The following ID2 variants were observed in gnomAD, a reference collection of about 807,000 sequenced individuals.
ID2 encodes the protein DNA-binding protein inhibitor ID-2.
A neutral mutation model predicts 8.3 loss-of-function variants in ID2; 2 were observed. The observed-to-expected ratio is 0.24, with a 90% CI of 0.10 to 0.76. The LOEUF (loss-of-function observed/expected upper bound fraction) is 0.76. Among genes scored for constraint, ID2 ranks in the 30% least tolerant of loss-of-function variants. The probability of loss-of-function intolerance (pLI) is 0.73; values close to 1 mark genes in which losing one functional copy is unlikely to be tolerated. For synonymous variants in ID2, 112 were observed against 72.3 expected (o/e 1.55, Z -2.79); for missense variants, 155 against 167.0 (o/e 0.93, Z 0.40).
chr2:8,682,778 A>AC (rs1276157523), intron 1 of ID2, 65 bp from the exon 2 acceptor site: 16 of 1,259,092 alleles, frequency 1.3e-5, no homozygotes, highest in African/African-American at 1.1e-4. Flanking sequence ...AAAAAAAAAA[A>AC]AAAAAAAAAC....
Position 8,682,270 on chromosome 2 carries a change from G to T in ID2, c.105G>T (p.Leu35=), listed in dbSNP as rs1368976719. The change falls in exon 1 of 3, where the codon CTG becomes CTT. Residue 35 remains leucine, a synonymous_variant. Transcript: ENST00000396290. ...SKTPVDDPMS[L]LYNMNDCYSK... ...CCCCTGTGGACGACCCGATGAGCCTGCTATACAACATGAACGACTGCTACT... is the reference window on the plus strand; with the variant it reads ...CCCCTGTGGACGACCCGATGAGCCTTCTATACAACATGAACGACTGCTACT... The T allele has an allele frequency of 6.2e-7, 1 of 1,614,142 alleles. No homozygotes were observed. Among genetic ancestry groups the T allele is most frequent in the South Asian group, 1.1e-5 (1 of 91,090 alleles).
At position 8,682,304 on chromosome 2, in the gene ID2, A is replaced by G; in HGVS notation, c.139A>G (p.Lys47Glu). 6.2e-7 allele frequency: 1 copy of G among 1,614,058 alleles called. No homozygotes were observed. Residue 47 changes from lysine to glutamate, a missense_variant, in exon 1 of 3, where the codon AAG becomes GAG. Lys to Glu is a moderately conservative substitution (Grantham distance 56, BLOSUM62 1). Transcript: ENST00000396290. ...CATGAACGACTGCTACTCCAAGCTC[A>G]AGGAGCTGGTGCCCAGCATCCCCCA... ...YNMNDCYSKL[K>E]ELVPSIPQNK... is the part of the protein sequence containing the mutation.
chr2:8,683,019 C>G (rs1662131260), intron 2 of ID2, 113 bp downstream of exon 2: 2 of 834,454 alleles, frequency 2.4e-6, no homozygotes, highest in Non-Finnish European at 4.2e-6. Flanking sequence ...TAAATGCATG[C>G]TTACTTCGCG....
intron 1 of ID2, 123 bp downstream of exon 1, chr2:8,682,636 C>A (rs920241801): frequency 2.6e-6 from 2 of 759,258 alleles, no homozygotes; most frequent in East Asian, 2.6e-5. Flanking sequence ...TTATTTTCTT[C>A]AGAATCTGCT....
rs370268374 is a variant in ID2 at position 8,682,813 on chromosome 2, C to G, written c.349-30C>G. 39 of 1,429,068 alleles carry G rather than the reference C, an allele frequency of 2.7e-5. 1 individual carries two copies. The highest frequency in any genetic ancestry group is 8.4e-5 in the Admixed American group (5 of 59,384). 88.5% of individuals were successfully genotyped at this position (1,429,068 alleles called of 1,614,324 possible). On this transcript the variant is annotated intron_variant, in intron 1 of 2. Coordinates refer to ENST00000396290, the MANE Select transcript of ID2 (RefSeq NM_002166.5). ...CCCTTTCTACTTAACATTGTCTTAA[C>G]CTCGTACTCTTTATCCTCTTTCTTT...
intron 1 of ID2, 59 bp downstream of exon 1, chr2:8,682,572 TGTCACTAGGA>T (rs1406121519): frequency 2.4e-6 from 3 of 1,267,660 alleles, no homozygotes; most frequent in Non-Finnish European, 1.1e-6. Context: ...TCGTCTGGGC[TGTCACTAGGA>T]GATCCGTAGC....
At chr2:8,683,342 C>CA (rs562999827) in intron 2 of ID2, among the ~76,000 whole-genome samples, 460 of 152,316 alleles carry the variant, frequency 3.0e-3, no homozygotes, top group Non-Finnish European at 5.6e-3. Flanking sequence ...CCTGTGCCTT[C>CA]AACCCTGTGA....
In ID2 at chr2:8,684,122, A is replaced by G. The variant is rs1463686407; in HGVS notation, c.*445A>G. The stretch of plus-strand genomic sequence containing the variant: ...GACACAAGCCTACTGAATGCTGTGT[A>G]TATATTTATATATAAATATATCTAT... On this transcript the variant is annotated 3_prime_UTR_variant, in exon 3 of 3. Coordinates refer to ENST00000396290, the MANE Select transcript of ID2 (RefSeq NM_002166.5). 6.6e-6 allele frequency: 1 copy of G among 152,242 alleles called. No homozygotes were observed. Among genetic ancestry groups the G allele is most frequent in the African/African-American group, 2.4e-5 (1 of 41,440 alleles). 9.4% of individuals were successfully genotyped at this position (152,242 alleles called of 1,614,324 possible). A position where few individuals can be genotyped will look rare whatever the true frequency, so the allele number is the denominator to read the frequency against.
In ID2 at chr2:8,682,288, C is replaced by T. The variant is rs369294315; in HGVS notation, c.123C>T (p.Asp41=). ...TGAGCCTGCTATACAACATGAACGACTGCTACTCCAAGCTCAAGGAGCTGG... is the reference window on the plus strand; with the variant it reads ...TGAGCCTGCTATACAACATGAACGATTGCTACTCCAAGCTCAAGGAGCTGG... ...DPMSLLYNMN[D]CYSKLKELVP... Residue 41 remains aspartate, a synonymous_variant, in exon 1 of 3, where the codon GAC becomes GAT. Transcript: ENST00000396290. 172 of 1,614,064 alleles carry T rather than the reference C, an allele frequency of 1.1e-4. No individual in the cohort carries two copies. Among genetic ancestry groups the T allele is most frequent in the Non-Finnish European group, 1.4e-4 (171 of 1,180,048 alleles).
Position 8,682,357 on chromosome 2 carries a change from C to T in ID2, c.192C>T (p.Ile64=), listed in dbSNP as rs780196555. 8.1e-6 allele frequency: 13 copies of T among 1,614,038 alleles called. No individual in the cohort carries two copies. The highest frequency in any genetic ancestry group is 5.5e-5 in the South Asian group (5 of 91,084). The change falls in exon 1 of 3, where the codon ATC becomes ATT. Residue 64 remains isoleucine (I), a synonymous_variant. Transcript: ENST00000396290. ...ACAAGAAGGTGAGCAAGATGGAAAT[C>T]CTGCAGCACGTCATCGACTACATCT... ...PQNKKVSKME[I]LQHVIDYILD...
Position 8,683,879 on chromosome 2 carries a change from T to TCA in ID2, c.*202_*203insCA, listed in dbSNP as rs557173478. The TCA allele has an allele frequency of 4.6e-5, 7 of 152,580 alleles. No homozygotes were observed. In the South Asian group the frequency reaches 1.4e-3, roughly 32 times the overall value. 9.5% of individuals were successfully genotyped at this position (152,580 alleles called of 1,614,324 possible). On this transcript the variant is annotated 3_prime_UTR_variant, in exon 3 of 3. Coordinates refer to ENST00000396290, the MANE Select transcript of ID2 (RefSeq NM_002166.5). The stretch of plus-strand genomic sequence containing the variant: ...GGGTGTTCTCTTACTTGGACTGTGA[T>TCA]ATTCGTTATTTATGAAAAAGACTTT...
chr2:8,682,997 T>C (rs1228587586), intron 2 of ID2, 91 bp downstream of exon 2: 7 of 954,392 alleles, frequency 7.3e-6, no homozygotes, highest in African/African-American at 1.6e-5. Flanking sequence ...ATCTATAAAA[T>C]GTCTGATTTG....
intron 2 of ID2, among the ~76,000 whole-genome samples, chr2:8,683,403 A>G (rs1157974043): frequency 2.0e-5 from 3 of 152,334 alleles, no homozygotes; most frequent in East Asian, 3.9e-4. Context: ...GTTTTCAATC[A>G]AATAATTGTT....
At chr2:8,682,624 C>T (rs1662113875) in intron 1 of ID2, 111 bp downstream of exon 1, 6 of 800,812 alleles carry the variant, frequency 7.5e-6, no homozygotes, top group Non-Finnish European at 1.2e-5. Context: ...AGCTATTTAA[C>T]TTTATTTTCT....
intron 1 of ID2, 139 bp downstream of exon 1, chr2:8,682,652 T>C: frequency 2.8e-6 from 2 of 725,364 alleles, no homozygotes; most frequent in Non-Finnish European, 4.6e-6. Flanking sequence ...CTGCTGTAGA[T>C]TGAGCTGTGC....
chr2:8,682,381 C>T lies in ID2; in HGVS notation c.216C>T (p.Ile72=), dbSNP rs148245442. 1.1e-4 allele frequency: 173 copies of T among 1,614,014 alleles called. No individual in the cohort carries two copies. Among genetic ancestry groups the T allele is most frequent in the East Asian group, 6.7e-4 (30 of 44,886 alleles). ...TCCTGCAGCACGTCATCGACTACAT[C>T]TTGGACCTGCAGATCGCCCTGGACT... ...MEILQHVIDY[I]LDLQIALDSH... is the part of the protein sequence containing the mutation. The change falls in exon 1 of 3, where the codon ATC becomes ATT. Residue 72 remains isoleucine, a synonymous_variant. Transcript: ENST00000396290.
In ID2 at chr2:8,682,087, T is replaced by C. The variant is rs1662089211; in HGVS notation, c.-79T>C. On this transcript the variant is annotated 5_prime_UTR_variant, in exon 1 of 3. Coordinates refer to ENST00000396290, the MANE Select transcript of ID2 (RefSeq NM_002166.5). ...AGCCGAGCCCGGTGCCAAGCGCAGC[T>C]AGCTCAGCAGGCGGCAGCGGCGGCC... is the stretch of plus-strand genomic sequence containing the variant. The C allele has an allele frequency of 5.1e-6, 6 of 1,182,606 alleles. No homozygotes were observed. The highest frequency in any genetic ancestry group is 7.3e-6 in the Non-Finnish European group (6 of 820,850). The allele number at this position is 1,182,606 out of a possible 1,614,324, so 73.3% of individuals were successfully genotyped here.
rs1375966137 is a variant in ID2 at position 8,684,358 on chromosome 2, A to G, written c.*681A>G. The G allele has an allele frequency of 6.6e-6, 1 of 152,506 alleles. No homozygotes were observed. The highest frequency in any genetic ancestry group is 1.5e-5 in the Non-Finnish European group (1 of 68,026). The allele number at this position is 152,506 out of a possible 1,614,324, so 9.4% of individuals were successfully genotyped here. On this transcript the variant is annotated 3_prime_UTR_variant, in exon 3 of 3. Coordinates refer to ENST00000396290, the MANE Select transcript of ID2 (RefSeq NM_002166.5). ...TTTATTTCAGAGGACCAGTGCTTTGATTTTTATTATGCTATGTTATAACTG... is the reference window on the plus strand; with the variant it reads ...TTTATTTCAGAGGACCAGTGCTTTGGTTTTTATTATGCTATGTTATAACTG...
At chr2:8,682,630 T>G in intron 1 of ID2, 117 bp downstream of exon 1, 1 of 783,348 alleles carries the variant, frequency 1.3e-6, no homozygotes, top group Non-Finnish European at 2.0e-6. Flanking sequence ...TTAACTTTAT[T>G]TTCTTCAGAA....
Sources: gnomAD v4.1 joint callset for allele counts (sites outside exome capture counted in the v4.1 genomes callset) on GRCh38, gnomAD v4.1.1 for gene constraint, MANE v1.5 for transcripts, NCBI Gene and HGNC (gene_info 2026-07-23, HGNC 2026-07-21) for gene names.